CAMKMT: variants seen among roughly 807,000 people sequenced by gnomAD.
The protein encoded by CAMKMT is calmodulin-lysine N-methyltransferase, also known as CaM KMT.
In CAMKMT, 53 loss-of-function variants were observed where a neutral mutation model predicts 48.0. The ratio of observed to expected loss-of-function variants is 1.10; its 90% CI spans 0.89 to 1.39. CAMKMT has a LOEUF of 1.39. Ranked by LOEUF, CAMKMT falls within the 40% of genes most tolerant of loss-of-function variation. The pLI is 0.00. For missense variants in CAMKMT, 428 were observed against 402.7 expected (o/e 1.06, Z -0.54); for synonymous variants, 165 against 152.3 (o/e 1.08, Z -0.61).
intron 3 of CAMKMT, among the ~76,000 whole-genome samples, chr2:44,475,099 C>T (rs780458983): frequency 6.6e-6 from 1 of 152,074 alleles, no homozygotes; most frequent in Non-Finnish European, 1.5e-5. Flanking sequence ...TAGCATGTGG[C>T]TTAGTTTAAT....
chr2:44,627,306 C>A (rs758375622), intron 3 of CAMKMT, among the ~76,000 whole-genome samples: 3 of 152,176 alleles, frequency 2.0e-5, no homozygotes, highest in South Asian at 2.1e-4. Context: ...AGGGTGGTGT[C>A]ATCTATGTTC....
At position 44,749,085 on chromosome 2, in the gene CAMKMT, T is replaced by C. The variant is rs540614758; in HGVS notation, c.699-4970T>C. Among the ~76,000 whole-genome samples the C allele has an allele frequency of 3.0e-4, 45 of 152,312 alleles. 3 individuals carry two copies. In the South Asian group the frequency reaches 8.1e-3, roughly 27 times the overall value. ...TAATCAGGTCATCATGAGTGATGGA[T>C]GGAATGGGATGAGGTTCCATTCTGG... On this transcript the variant is annotated intron_variant, in intron 8 of 10. Transcript: ENST00000378494.
At chr2:44,674,161 C>T (rs1299100944) in intron 3 of CAMKMT, among the ~76,000 whole-genome samples, 1 of 152,204 alleles carries the variant, frequency 6.6e-6, no homozygotes, top group Non-Finnish European at 1.5e-5. Context: ...TACCTCATTA[C>T]TTCATCATGC....
intron 6 of CAMKMT, among the ~76,000 whole-genome samples, chr2:44,713,666 T>A (rs966726735): frequency 1.3e-5 from 2 of 152,192 alleles, no homozygotes; most frequent in Admixed American, 1.3e-4. Context: ...GTCTGCATTA[T>A]AGCACTTTTG....
intron 3 of CAMKMT, among the ~76,000 whole-genome samples, chr2:44,406,501 G>GTC (rs71915821): frequency 1.3e-5 from 2 of 151,968 alleles, no homozygotes; most frequent in Non-Finnish European, 2.9e-5. Context: ...TTGTGTGTGT[G>GTC]TGTGTTTAGC....
intron 3 of CAMKMT, among the ~76,000 whole-genome samples, chr2:44,431,581 CAT>C (rs1451196205): frequency 6.6e-6 from 1 of 152,108 alleles, no homozygotes; most frequent in Non-Finnish European, 1.5e-5. Flanking sequence ...AGGCCTAACT[CAT>C]ATCTCTTCTG....
chr2:44,736,871 A>G (rs1382484091), intron 7 of CAMKMT, among the ~76,000 whole-genome samples: 5 of 152,136 alleles, frequency 3.3e-5, no homozygotes, highest in African/African-American at 7.2e-5. Flanking sequence ...GGTATCTCCC[A>G]TGTCTCTACC....
chr2:44,700,158 A>G (rs371410629), intron 3 of CAMKMT, among the ~76,000 whole-genome samples: 2 of 152,242 alleles, frequency 1.3e-5, no homozygotes, highest in Admixed American at 6.5e-5. Flanking sequence ...TTTCTTCTGC[A>G]GATTCCTCAC....
At chr2:44,745,920 T>C (rs772860825) in intron 8 of CAMKMT, among the ~76,000 whole-genome samples, 2 of 152,222 alleles carry the variant, frequency 1.3e-5, no homozygotes, top group Non-Finnish European at 2.9e-5. Context: ...GGTGTTTCTC[T>C]GTAAGAGTTA....
chr2:44,572,682 T>C (rs945054385), intron 3 of CAMKMT, among the ~76,000 whole-genome samples: 1 of 151,600 alleles, frequency 6.6e-6, no homozygotes, highest in Admixed American at 6.6e-5. Flanking sequence ...GTAATGCTGC[T>C]ATGTTGGCTC....
chr2:44,364,596 G>T (rs1173997717), intron 1 of CAMKMT, among the ~76,000 whole-genome samples: 1 of 152,200 alleles, frequency 6.6e-6, no homozygotes, highest in African/African-American at 2.4e-5. Context: ...TCTGTGGAAA[G>T]CCTGAGAGTA....
chr2:44,573,721 A>G (rs947840145), intron 3 of CAMKMT, among the ~76,000 whole-genome samples: 10 of 152,146 alleles, frequency 6.6e-5, no homozygotes, highest in Non-Finnish European at 1.3e-4. Flanking sequence ...CTATAATCTC[A>G]TCTGGAATTT....
chr2:44,455,017 C>T (rs1295358946), intron 3 of CAMKMT, among the ~76,000 whole-genome samples: 2 of 152,238 alleles, frequency 1.3e-5, no homozygotes, highest in Middle Eastern at 3.4e-3. Flanking sequence ...TTGTATGAGG[C>T]AGAAGGGCAT....
chr2:44,537,590 G>A (rs151301355), intron 3 of CAMKMT, among the ~76,000 whole-genome samples: 1 of 152,092 alleles, frequency 6.6e-6, no homozygotes, highest in Non-Finnish European at 1.5e-5. Context: ...TCTGAGACAG[G>A]ATCTCATTTC....
At chr2:44,761,005 C>A (rs1471709211) in intron 9 of CAMKMT, among the ~76,000 whole-genome samples, 1 of 152,180 alleles carries the variant, frequency 6.6e-6, no homozygotes, top group Non-Finnish European at 1.5e-5. Context: ...TAACTCTACA[C>A]TGGAGGGGCT....
At chr2:44,712,550 C>G (rs1230229972) in intron 6 of CAMKMT, among the ~76,000 whole-genome samples, 2 of 151,954 alleles carry the variant, frequency 1.3e-5, no homozygotes, top group East Asian at 3.9e-4. Context: ...GAGAAGAAAA[C>G]CTAGAGTTAG....
chr2:44,484,900 A>C (rs977948397), intron 3 of CAMKMT, among the ~76,000 whole-genome samples: 2 of 152,222 alleles, frequency 1.3e-5, no homozygotes, highest in African/African-American at 4.8e-5. Flanking sequence ...CTAATTTCAC[A>C]AATGTGAAAA....
chr2:44,747,569 A>C (rs1242902936), intron 8 of CAMKMT, among the ~76,000 whole-genome samples: 1 of 152,238 alleles, frequency 6.6e-6, no homozygotes, highest in Non-Finnish European at 1.5e-5. Flanking sequence ...GTAAATACTG[A>C]AAGAGGTCAT....
chr2:44,419,735 T>C (rs1429275460), intron 3 of CAMKMT, among the ~76,000 whole-genome samples: 3 of 152,184 alleles, frequency 2.0e-5, no homozygotes, highest in Non-Finnish European at 2.9e-5. Flanking sequence ...CTAAAAATGT[T>C]ATTTTTCCAA....
Sources: allele counts gnomAD v4.1 joint callset (sites outside exome capture counted in the v4.1 genomes callset), GRCh38; gene constraint gnomAD v4.1.1; transcripts MANE v1.5; gene names NCBI Gene and HGNC (gene_info 2026-07-23, HGNC 2026-07-21).